TIGAR: variants seen among roughly 807,000 people sequenced by gnomAD.
TIGAR encodes fructose-2,6-bisphosphatase TIGAR.
In TIGAR, 7 loss-of-function variants were observed where a neutral mutation model predicts 17.9. The observed-to-expected ratio is 0.39, with a 90% CI of 0.22 to 0.73. The LOEUF is 0.73. Among genes scored for constraint, TIGAR ranks in the 30% least tolerant of loss-of-function variants. TIGAR has a pLI of 0.42. For missense variants in TIGAR, 258 were observed against 327.4 expected (o/e 0.79, Z 1.64); for synonymous variants, 94 against 108.6 (o/e 0.87, Z 0.84).
chr12:4,324,581 TCAC>T (rs755924785), intron 1 of TIGAR: 65 of 1,601,586 alleles, frequency 4.1e-5, no homozygotes, highest in Non-Finnish European at 5.4e-5. Context: ...AGGTGCGTCT[TCAC>T]CACTTCCGGC....
Position 4,321,418 on chromosome 12 carries a change from A to C in TIGAR, c.32+115A>C. 2 of 1,477,040 alleles carry C rather than the reference A, an allele frequency of 1.4e-6. No individual in the cohort carries two copies. The highest frequency in any genetic ancestry group is 1.8e-6 in the Non-Finnish European group (2 of 1,086,916). 91.5% of individuals were successfully genotyped at this position (1,477,040 alleles called of 1,614,324 possible). A position where few individuals can be genotyped will look rare whatever the true frequency, so the allele number is the denominator to read the frequency against. On this transcript the variant is annotated intron_variant, in intron 1 of 5. Transcript: ENST00000179259. This position sits in a 1 kb window ranked among gnomAD's most constrained non-coding sequence, Gnocchi z 5.2. Reference sequence around the variant, plus strand: ...CCCTCCCTGCTCGCTCCAGCCCGGGAGGGCTGGCTTGGAAGCGCTTTTTCC... The same window carrying C: ...CCCTCCCTGCTCGCTCCAGCCCGGGCGGGCTGGCTTGGAAGCGCTTTTTCC...
chr12:4,335,503 G>A (rs1044598421), intron 2 of TIGAR: 2 of 152,288 alleles, frequency 1.3e-5, no homozygotes, highest in Middle Eastern at 3.4e-3. Flanking sequence ...CCTCATGAAT[G>A]GAATTTATTC....
chr12:4,339,446 T>C (rs1288352903), intron 3 of TIGAR, among the ~76,000 whole-genome samples: 1 of 152,194 alleles, frequency 6.6e-6, no homozygotes, highest in Non-Finnish European at 1.5e-5. Flanking sequence ...ACCTGATGGC[T>C]TCACTGCTGA....
At chr12:4,328,890 T>A (rs1864575033) in intron 1 of TIGAR, among the ~76,000 whole-genome samples, 1 of 152,214 alleles carries the variant, frequency 6.6e-6, no homozygotes. Flanking sequence ...TGTGTAATTT[T>A]ATTTCTTTAT....
chr12:4,343,658 A>G (rs1020466004), intron 3 of TIGAR, among the ~76,000 whole-genome samples: 2 of 152,268 alleles, frequency 1.3e-5, no homozygotes, highest in Non-Finnish European at 2.9e-5. Flanking sequence ...GAAGGCAGAA[A>G]TAAAGATGTT....
intron 1 of TIGAR, chr12:4,324,298 C>T: frequency 1.5e-6 from 1 of 679,076 alleles, no homozygotes; most frequent in Non-Finnish European, 2.6e-6. Context: ...CAGTGAGTCC[C>T]CGGCAAAACC....
Position 4,355,298 on chromosome 12 carries a change from C to G in TIGAR, c.*2607C>G, listed in dbSNP as rs1484619789. 1.3e-5 allele frequency among the ~76,000 whole-genome samples: 2 copies of G among 151,848 alleles called. No individual in the cohort carries two copies. The highest frequency in any genetic ancestry group is 2.9e-5 in the Non-Finnish European group (2 of 67,982). The stretch of plus-strand genomic sequence containing the variant: ...CACCATTGTAAAGGCTGTTCTTTCC[C>G]AATTGGTTTGTGGTGTGTGCTCTCA... On this transcript the variant is annotated 3_prime_UTR_variant, in exon 6 of 6. Transcript: ENST00000179259.
intron 1 of TIGAR, among the ~76,000 whole-genome samples, chr12:4,323,486 G>A (rs1759190064): frequency 1.3e-5 from 2 of 152,142 alleles, no homozygotes; most frequent in South Asian, 2.1e-4. Context: ...TATTTGCCAG[G>A]CACTGTTGTA....
Position 4,352,902 on chromosome 12 carries a change from T to G in TIGAR, c.*211T>G. On this transcript the variant is annotated 3_prime_UTR_variant, in exon 6 of 6. Coordinates refer to ENST00000179259, the MANE Select transcript of TIGAR (RefSeq NM_020375.3). The stretch of plus-strand genomic sequence containing the variant: ...GTACAGTTGGCATTTTCCAGAATAA[T>G]TTTACCACCCTGCTAGATGTCATCT... 1.9e-6 allele frequency: 1 copy of G among 527,120 alleles called. No homozygotes were observed. Among genetic ancestry groups the G allele is most frequent in the Non-Finnish European group, 3.3e-6 (1 of 299,950 alleles). The allele number at this position is 527,120 out of a possible 1,614,324, so 32.7% of individuals were successfully genotyped here. A position where few individuals can be genotyped will look rare whatever the true frequency, so the allele number is the denominator to read the frequency against.
rs982457837 is a variant in TIGAR, at chr12:4,352,801, A to G, written c.*110A>G. On this transcript the variant is annotated 3_prime_UTR_variant, in exon 6 of 6. Transcript: ENST00000179259. ...CTGATTTGGAAACAGTTAAAAGCCAATTTTTAGCTCCAGTGGAACCATAGC... is the reference window on the plus strand; with the variant it reads ...CTGATTTGGAAACAGTTAAAAGCCAGTTTTTAGCTCCAGTGGAACCATAGC... The G allele has an allele frequency of 1.0e-6, 1 of 1,003,208 alleles. No individual in the cohort carries two copies. The highest frequency in any genetic ancestry group is 1.6e-5 in the African/African-American group (1 of 61,200). 62.1% of individuals were successfully genotyped at this position (1,003,208 alleles called of 1,614,324 possible). A position where few individuals can be genotyped will look rare whatever the true frequency, so the allele number is the denominator to read the frequency against.
intron 3 of TIGAR, among the ~76,000 whole-genome samples, chr12:4,346,817 TAATC>T (rs1864786693): frequency 6.6e-6 from 1 of 152,136 alleles, no homozygotes; most frequent in Admixed American, 6.6e-5. Flanking sequence ...ACATCATTGG[TAATC>T]AGAGAAATGC....
intron 1 of TIGAR, among the ~76,000 whole-genome samples, chr12:4,325,118 T>A (rs1383807590): frequency 6.6e-6 from 1 of 151,964 alleles, no homozygotes; most frequent in African/African-American, 2.4e-5. Flanking sequence ...ACTTTTGTAC[T>A]TTTAGTAGAG....
rs2120699368 is a variant in TIGAR at position 4,354,153 on chromosome 12, A to G, written c.*1462A>G. 6.6e-6 allele frequency: 1 copy of G among 152,506 alleles called. No individual in the cohort carries two copies. Among genetic ancestry groups the G allele is most frequent in the East Asian group, 1.9e-4 (1 of 5,182 alleles). The allele number at this position is 152,506 out of a possible 1,614,324, so 9.4% of individuals were successfully genotyped here. A position where few individuals can be genotyped will look rare whatever the true frequency, so the allele number is the denominator to read the frequency against. On this transcript the variant is annotated 3_prime_UTR_variant, in exon 6 of 6. Transcript: ENST00000179259. ...CTATAGTCACATATAGTCAAAATTT[A>G]CTTTGACATCATTTTAAATCATATG...
Position 4,321,762 on chromosome 12 carries a change from C to A in TIGAR, c.32+459C>A, listed in dbSNP as rs2120636168. ...TTTCTGAGGTTCCCCCTCGTTTCCC[C>A]AGGCAGTCAGCCCCCCAGGCACATA... On this transcript the variant is annotated intron_variant, in intron 1 of 5. Transcript: ENST00000179259. The surrounding 1 kb of genome is among the most constrained non-coding windows in gnomAD (Gnocchi z 5.2). 6.6e-6 allele frequency among the ~76,000 whole-genome samples: 1 copy of A among 152,314 alleles called. No homozygotes were observed. The highest frequency in any genetic ancestry group is 1.5e-5 in the Non-Finnish European group (1 of 68,026).
chr12:4,352,260 G>C lies in TIGAR; in HGVS notation c.382G>C (p.Val128Leu). The change falls in exon 6 of 6, where the codon GTG (valine) becomes CTG (leucine). Residue 128 changes from valine to leucine, a missense_variant and splice_region_variant. Coordinates refer to ENST00000179259, the MANE Select transcript of TIGAR (RefSeq NM_020375.3). Reference protein sequence around the residue: ...TPPGGETLDQVKMRGIDFFEF... With the variant: ...TPPGGETLDQLKMRGIDFFEF... ...TTGACTTTTATTTCTTTTCTTGTAG[G>C]TGAAAATGCGTGGAATAGACTTTTT... The C allele has an allele frequency of 1.2e-6, 2 of 1,603,418 alleles. No homozygotes were observed. The highest frequency in any genetic ancestry group is 1.7e-6 in the Non-Finnish European group (2 of 1,174,628).
rs1471777083 is a variant in TIGAR, at chr12:4,356,668, A to G, written c.*3977A>G. On this transcript the variant is annotated 3_prime_UTR_variant, in exon 6 of 6. Transcript: ENST00000179259. ...TGGGTTTGGACAAACGTATGAAGAC[A>G]TGTATTCCACCATTATAGTATCATG... is the stretch of plus-strand genomic sequence containing the variant. 2.0e-5 allele frequency among the ~76,000 whole-genome samples: 3 copies of G among 152,170 alleles called. No individual in the cohort carries two copies. Among genetic ancestry groups the G allele is most frequent in the East Asian group, 1.9e-4 (1 of 5,192 alleles).
chr12:4,345,119 A>G (rs987661464), intron 3 of TIGAR, among the ~76,000 whole-genome samples: 105 of 152,370 alleles, frequency 6.9e-4, no homozygotes, highest in Middle Eastern at 6.8e-3. Context: ...GGACACAAAC[A>G]AATGGAAGAA....
In TIGAR at chr12:4,331,239, A is replaced by G. The variant is rs368097902; in HGVS notation, c.33-41A>G. On this transcript the variant is annotated intron_variant, in intron 1 of 5. Transcript: ENST00000179259. ...TTTTTTTCCTCCTCTCAAAAACAGT[A>G]TAATTTGGCTAATAAGGTTGTCCTT... 43 of 1,560,102 alleles carry G rather than the reference A, an allele frequency of 2.8e-5. No homozygotes were observed. The African/African-American group carries it at 4.5e-4, about 16-fold the overall frequency.
At position 4,356,036 on chromosome 12, in the gene TIGAR, T is replaced by C. The variant is rs1864896993; in HGVS notation, c.*3345T>C. Among the ~76,000 whole-genome samples the C allele has an allele frequency of 6.6e-6, 1 of 152,160 alleles. No homozygotes were observed. The highest frequency in any genetic ancestry group is 1.9e-4 in the East Asian group (1 of 5,192). On this transcript the variant is annotated 3_prime_UTR_variant, in exon 6 of 6. Coordinates refer to ENST00000179259, the MANE Select transcript of TIGAR (RefSeq NM_020375.3). ...GCCTTGGGCTTTTACTCAAGTGAGA[T>C]GAGATGCCATTGGCCAGTTTGGGCA...
Sources: allele counts gnomAD v4.1 joint callset (sites outside exome capture counted in the v4.1 genomes callset), GRCh38; gene constraint gnomAD v4.1.1; non-coding constraint Gnocchi (gnomAD v3.1); transcripts MANE v1.5; gene names NCBI Gene and HGNC (gene_info 2026-07-23, HGNC 2026-07-21).